POLR2F: variants seen among roughly 807,000 people sequenced by gnomAD.
POLR2F encodes the protein RNA polymerase II, I and III subunit F.
POLR2F carries 12 observed loss-of-function variants against 22.7 expected under a neutral mutation model. That is an observed-to-expected ratio of 0.53 (90% confidence interval 0.34 to 0.86). The LOEUF is 0.86. Among genes scored for constraint, POLR2F ranks in the 40% least tolerant of loss-of-function variants. The pLI, the probability that POLR2F is intolerant of heterozygous loss-of-function variation, is 0.02. For missense variants in POLR2F, 126 were observed against 171.5 expected (o/e 0.73, Z 1.48); for synonymous variants, 57 against 66.0 (o/e 0.86, Z 0.66).
intron 1 of POLR2F, chr22:37,987,151 C>G: frequency 2.2e-6 from 1 of 456,724 alleles, no homozygotes; most frequent in South Asian, 1.5e-5. Context: ...TGCCTTCTCT[C>G]AGGGTGTTTA....
rs553886886 is a variant in POLR2F, at chr22:38,017,401, G to A, written c.121-8468G>A. Among the ~76,000 whole-genome samples the A allele has an allele frequency of 6.6e-5, 10 of 152,268 alleles. No individual in the cohort carries two copies. Among genetic ancestry groups the A allele is most frequent in the African/African-American group, 9.6e-5 (4 of 41,548 alleles). On this transcript the variant is annotated intron_variant, in intron 1 of 2. Coordinates refer to the POLR2F transcript ENST00000333418. The surrounding 1 kb of genome is among the most constrained non-coding windows in gnomAD (Gnocchi z 4.1). ...TCCCAGCTGGGCCTGGTCCAGATGC[G>A]GGGGCAGGAGCTGAAAAAGAACCTC...
downstream of POLR2F, among the ~76,000 whole-genome samples, chr22:38,027,915 C>A (rs1389910398): frequency 6.6e-6 from 1 of 152,188 alleles, no homozygotes; most frequent in Non-Finnish European, 1.5e-5. Context: ...TAATCATAAC[C>A]ACCTTACAAG....
downstream of POLR2F, chr22:38,041,547 G>C (rs1253602579): frequency 7.1e-5 from 12 of 167,852 alleles, no homozygotes; most frequent in Non-Finnish European, 3.8e-5. Flanking sequence ...ACTCTGTACA[G>C]ACCTCATCCT....
In POLR2F at chr22:37,962,460, C is replaced by T. The variant is rs556524790; in HGVS notation, c.221+2984C>T. Among the ~76,000 whole-genome samples, 7 of 152,220 alleles carry T rather than the reference C, an allele frequency of 4.6e-5. No individual in the cohort carries two copies. In the South Asian group the frequency reaches 6.2e-4, roughly 14 times the overall value. On this transcript the variant is annotated intron_variant, in intron 3 of 4. Transcript: ENST00000442738. The stretch of plus-strand genomic sequence containing the variant: ...ATTGTTCTCCCCCATTCCTCAGTAG[C>T]GGACCTCTTCTCAGCCTGGTTGCAC...
At chr22:38,034,947 C>T (rs2085100989) in intron 5 of POLR2F, among the ~76,000 whole-genome samples, 1 of 151,896 alleles carries the variant, frequency 6.6e-6, no homozygotes, top group South Asian at 2.1e-4. Context: ...CCCACCCCAC[C>T]TTGCTAGCCA....
rs749398317 is a variant in POLR2F at position 37,986,321 on chromosome 22, C to T, written c.120+9C>T. 42 of 1,535,090 alleles carry T rather than the reference C, an allele frequency of 2.7e-5. No individual in the cohort carries two copies. In the South Asian group the frequency reaches 4.4e-4, roughly 16 times the overall value. On this transcript the variant is annotated intron_variant, in intron 1 of 2. Transcript: ENST00000333418. The surrounding 1 kb of genome is among the most constrained non-coding windows in gnomAD (Gnocchi z 4.7). ...GGCATCTCTCTCTCCCGGTGGGTCC[C>T]CACTCATCCTTCCACCCCTCAGTTC...
intron 1 of POLR2F, among the ~76,000 whole-genome samples, chr22:37,990,426 C>T (rs1932701439): frequency 6.6e-6 from 1 of 152,252 alleles, no homozygotes; most frequent in South Asian, 2.1e-4. Flanking sequence ...GAGAAGCCTT[C>T]AGAGAAGTTG....
intron 5 of POLR2F, among the ~76,000 whole-genome samples, chr22:38,035,557 G>A (rs1490087983): frequency 1.3e-5 from 2 of 152,094 alleles, no homozygotes; most frequent in Non-Finnish European, 2.9e-5. Context: ...GGGCCATGCA[G>A]CCTCCCTCTC....
rs1237650195 is a variant in POLR2F at position 38,031,991 on chromosome 22, CT to C, written c.453-9069del. ...GAAGTCTGGAGATTTTGTCCAGTTT[CT>C]TTTTTTTCTTTTACTTTTTTTTTGA... On this transcript the variant is annotated intron_variant, in intron 5 of 5. Transcript: ENST00000407936. This position sits in a 1 kb window ranked among gnomAD's most constrained non-coding sequence, Gnocchi z 4.1. Among the ~76,000 whole-genome samples, 2 of 151,886 alleles carry C rather than the reference CT, an allele frequency of 1.3e-5. No homozygotes were observed. The highest frequency in any genetic ancestry group is 4.8e-5 in the African/African-American group (2 of 41,334).
intron 1 of POLR2F, among the ~76,000 whole-genome samples, chr22:38,007,704 G>T (rs2084834641): frequency 6.6e-6 from 1 of 152,250 alleles, no homozygotes; most frequent in Admixed American, 6.5e-5. Context: ...GCAGCAGCAG[G>T]CCTTCCGCAA....
chr22:38,006,928 A>G (rs1207912316), intron 1 of POLR2F, among the ~76,000 whole-genome samples: 1 of 152,212 alleles, frequency 6.6e-6, no homozygotes, highest in African/African-American at 2.4e-5. Flanking sequence ...ATCACAGTCC[A>G]AGTTTCCAGA....
At chr22:37,962,227 A>AAAAC (rs751553709) in intron 3 of POLR2F, among the ~76,000 whole-genome samples, 7 of 152,048 alleles carry the variant, frequency 4.6e-5, no homozygotes, top group South Asian at 2.1e-4. Flanking sequence ...ACTCCATCTC[A>AAAAC]AAACAAACAA....
At chr22:38,003,020 C>A (rs772565813) in intron 1 of POLR2F, among the ~76,000 whole-genome samples, 2 of 152,018 alleles carry the variant, frequency 1.3e-5, no homozygotes, top group Non-Finnish European at 2.9e-5. Context: ...CCACCGCGCC[C>A]GGCCAACTTT....
chr22:37,986,324 C>A lies in POLR2F; in HGVS notation c.120+12C>A, dbSNP rs1414748521. ...ATCTCTCTCTCCCGGTGGGTCCCCACTCATCCTTCCACCCCTCAGTTCCTC... is the reference window on the plus strand; with the variant it reads ...ATCTCTCTCTCCCGGTGGGTCCCCAATCATCCTTCCACCCCTCAGTTCCTC... On this transcript the variant is annotated intron_variant, in intron 1 of 2. Transcript: ENST00000333418. This position sits in a 1 kb window ranked among gnomAD's most constrained non-coding sequence, Gnocchi z 4.7. 1.4e-5 allele frequency: 21 copies of A among 1,534,488 alleles called. No individual in the cohort carries two copies. In the Admixed American group the frequency reaches 3.9e-4, roughly 29 times the overall value.
rs566759406 is a variant in POLR2F, at chr22:37,994,796, G to A, written c.120+8484G>A. ...GCTGGGATTACAGGCGTGAGCCACC[G>A]CACCCGGCCAATTTTTGTATTTTTT... On this transcript the variant is annotated intron_variant, in intron 1 of 2. Coordinates refer to the POLR2F transcript ENST00000333418. Among the ~76,000 whole-genome samples the A allele has an allele frequency of 1.2e-3, 176 of 151,946 alleles. 1 individual carries two copies. Among genetic ancestry groups the A allele is most frequent in the African/African-American group, 2.3e-3 (96 of 41,408 alleles).
At chr22:38,023,865 G>A (rs1405340459) in intron 1 of POLR2F, among the ~76,000 whole-genome samples, 3 of 134,402 alleles carry the variant, frequency 2.2e-5, no homozygotes, top group Non-Finnish European at 3.1e-5. Context: ...TTTTTGATAC[G>A]GATTCTCACT....
At chr22:38,021,469 G>T (rs2145820820) in intron 1 of POLR2F, among the ~76,000 whole-genome samples, 1 of 152,302 alleles carries the variant, frequency 6.6e-6, no homozygotes, top group Non-Finnish European at 1.5e-5. Context: ...GATCTAAGCA[G>T]CTGTCCCTGA....
intron 1 of POLR2F, among the ~76,000 whole-genome samples, chr22:37,955,125 G>T (rs1379934293): frequency 6.6e-6 from 1 of 151,828 alleles, no homozygotes; most frequent in Non-Finnish European, 1.5e-5. Context: ...AGTGAGGGTG[G>T]ACAGCTCTTT....
At chr22:37,976,487 A>G (rs1353613268) in intron 4 of POLR2F, among the ~76,000 whole-genome samples, 1 of 152,198 alleles carries the variant, frequency 6.6e-6, no homozygotes, top group Non-Finnish European at 1.5e-5. Flanking sequence ...AGTGTTTGAC[A>G]CAAAGTAGGA....
Sources: gnomAD v4.1 joint callset for allele counts (sites outside exome capture counted in the v4.1 genomes callset) on GRCh38, gnomAD v4.1.1 for gene constraint, Gnocchi (gnomAD v3.1) non-coding constraint, MANE v1.5 for transcripts, NCBI Gene and HGNC (gene_info 2026-07-23, HGNC 2026-07-21) for gene names.